The following DLG2 variants were observed in gnomAD, a reference collection of about 807,000 sequenced individuals.
DLG2 encodes disks large homolog 2.
Under a neutral mutation model 132.5 loss-of-function variants are expected in DLG2, and 45 were observed. The observed-to-expected ratio is 0.34, with a 90% CI of 0.27 to 0.44. The LOEUF (loss-of-function observed/expected upper bound fraction) is 0.44, where lower values mean the gene tolerates loss of function less well. Ranked by LOEUF, DLG2 falls within the 20% of genes least tolerant of loss-of-function variation. The probability of loss-of-function intolerance (pLI) is 1.00; values close to 1 mark genes in which losing one functional copy is unlikely to be tolerated. For synonymous variants in DLG2, 424 were observed against 419.6 expected (o/e 1.01, Z -0.13); for missense variants, 1,045 against 1,196.9 (o/e 0.87, Z 1.87).
chr11:83,576,281 ACC>A (rs2096872326), intron 19 of DLG2, among the ~76,000 whole-genome samples: 1 of 152,218 alleles, frequency 6.6e-6, no homozygotes, highest in Non-Finnish European at 1.5e-5. Context: ...ACTGTGAGAC[ACC>A]CTCAAGTAGA....
intron 5 of DLG2, among the ~76,000 whole-genome samples, chr11:85,141,168 A>C (rs1329671258): frequency 6.6e-6 from 1 of 151,778 alleles, no homozygotes; most frequent in African/African-American, 2.4e-5. Context: ...TGGATGTACT[A>C]ATTTATACTC....
At chr11:84,564,924 C>G (rs75922767) in intron 6 of DLG2, among the ~76,000 whole-genome samples, 12,132 of 152,222 alleles carry the variant, frequency 0.08, 583 homozygotes, top group Admixed American at 0.14. Flanking sequence ...AACAGATAAT[C>G]TAGTCTATAT....
chr11:84,791,149 T>A (rs775384110), intron 6 of DLG2, among the ~76,000 whole-genome samples: 3 of 152,126 alleles, frequency 2.0e-5, no homozygotes, highest in Non-Finnish European at 2.9e-5. Context: ...TCAGGTCTCA[T>A]GAGAACTCAC....
At chr11:84,358,301 C>G (rs1002579960) in intron 7 of DLG2, among the ~76,000 whole-genome samples, 1 of 151,086 alleles carries the variant, frequency 6.6e-6, no homozygotes, top group Non-Finnish European at 1.5e-5. Flanking sequence ...TCAGATGATG[C>G]TGAGCTCAGT....
chr11:83,745,841 G>C (rs563403771), intron 18 of DLG2, among the ~76,000 whole-genome samples: 2 of 151,946 alleles, frequency 1.3e-5, no homozygotes, highest in South Asian at 4.2e-4. Flanking sequence ...ATCTGACAAA[G>C]GGCTAATATC....
intron 18 of DLG2, among the ~76,000 whole-genome samples, chr11:83,655,303 T>C (rs1280587172): frequency 1.3e-5 from 2 of 152,214 alleles, no homozygotes; most frequent in African/African-American, 4.8e-5. Flanking sequence ...ACAATAAACA[T>C]GAACATGGAA....
At chr11:84,199,158 T>G (rs2096560654) in intron 8 of DLG2, among the ~76,000 whole-genome samples, 1 of 152,166 alleles carries the variant, frequency 6.6e-6, no homozygotes, top group Non-Finnish European at 1.5e-5. Context: ...AGAGAGTATG[T>G]ATTTCTAAGA....
At chr11:84,526,430 A>G (rs1457864029) in intron 7 of DLG2, among the ~76,000 whole-genome samples, 1 of 152,160 alleles carries the variant, frequency 6.6e-6, no homozygotes, top group Non-Finnish European at 1.5e-5. Flanking sequence ...CACATTTACT[A>G]AGAGCAAGAA....
chr11:85,092,516 C>A (rs1019668657), intron 6 of DLG2, among the ~76,000 whole-genome samples: 1 of 152,010 alleles, frequency 6.6e-6, no homozygotes, highest in African/African-American at 2.4e-5. Context: ...GGAAACATTA[C>A]ACAATGAAAT....
At chr11:83,898,503 T>A (rs1024956167) in intron 15 of DLG2, among the ~76,000 whole-genome samples, 1 of 152,098 alleles carries the variant, frequency 6.6e-6, no homozygotes, top group African/African-American at 2.4e-5. Flanking sequence ...GACTTTTTCT[T>A]TTAAATACTT....
At chr11:84,904,558 T>C (rs141913431) in intron 6 of DLG2, among the ~76,000 whole-genome samples, 347 of 152,316 alleles carry the variant, frequency 2.3e-3, no homozygotes, top group African/African-American at 8.0e-3. Flanking sequence ...TTGCTAGAAA[T>C]GGCTTTTCTG....
chr11:84,892,276 A>C (rs1363960922), intron 6 of DLG2, among the ~76,000 whole-genome samples: 2 of 152,200 alleles, frequency 1.3e-5, no homozygotes, highest in East Asian at 3.9e-4. Context: ...TGGCATGGTC[A>C]TGCCAAACTC....
intron 3 of DLG2, among the ~76,000 whole-genome samples, chr11:85,446,877 A>G (rs1166388821): frequency 6.6e-6 from 1 of 152,034 alleles, no homozygotes; most frequent in East Asian, 1.9e-4. Flanking sequence ...ATTTGTTTTA[A>G]AATGAAAAAC....
intron 6 of DLG2, among the ~76,000 whole-genome samples, chr11:84,738,181 C>T (rs149663477): frequency 1.1e-4 from 17 of 152,130 alleles, no homozygotes; most frequent in East Asian, 5.8e-4. Context: ...TATCTAGAGT[C>T]AGACTTTGCA....
chr11:84,135,145 T>C (rs1275101880), intron 9 of DLG2, among the ~76,000 whole-genome samples: 1 of 152,044 alleles, frequency 6.6e-6, no homozygotes, highest in Non-Finnish European at 1.5e-5. Context: ...GTACTAAGCC[T>C]AGAACAGAAC....
At chr11:84,956,743 C>A (rs2051735178) in intron 6 of DLG2, among the ~76,000 whole-genome samples, 2 of 152,022 alleles carry the variant, frequency 1.3e-5, no homozygotes, top group South Asian at 4.1e-4. Context: ...TTTCTCCAAC[C>A]AATAGATTAA....
intron 14 of DLG2, among the ~76,000 whole-genome samples, chr11:83,945,863 C>G (rs1427162860): frequency 7.1e-6 from 1 of 141,384 alleles, no homozygotes; most frequent in African/African-American, 2.6e-5. Context: ...TGTGCTTTTA[C>G]TTTTTGCATT....
Position 84,696,736 on chromosome 11 carries a change from T to C in DLG2, c.358-162005A>G, listed in dbSNP as rs905121311. On this transcript the variant is annotated intron_variant, in intron 6 of 27. Coordinates refer to ENST00000376104, the MANE Select transcript of DLG2 (RefSeq NM_001142699.3). ...GAAATGAAATAATGTTAAGGATACATATGGAGAAATAATGTGAAGGATACA... is the reference window on the plus strand; with the variant it reads ...GAAATGAAATAATGTTAAGGATACACATGGAGAAATAATGTGAAGGATACA... Among the ~76,000 whole-genome samples, 29 of 151,292 alleles carry C rather than the reference T, an allele frequency of 1.9e-4. 1 individual carries two copies. Among genetic ancestry groups the C allele is most frequent in the African/African-American group, 2.4e-5 (1 of 41,278 alleles).
chr11:83,982,209 T>C (rs1395227202), intron 11 of DLG2, among the ~76,000 whole-genome samples: 1 of 152,180 alleles, frequency 6.6e-6, no homozygotes, highest in Non-Finnish European at 1.5e-5. Flanking sequence ...TTTATTGTTA[T>C]ATTTGAGTGT....
Sources: allele counts gnomAD v4.1 joint callset (sites outside exome capture counted in the v4.1 genomes callset), GRCh38; gene constraint gnomAD v4.1.1; transcripts MANE v1.5; gene names NCBI Gene and HGNC (gene_info 2026-07-23, HGNC 2026-07-21).